Variants in SH2B2 observed in about 807,000 individuals in gnomAD.
SH2B2 encodes the protein SH2B adapter protein 2.
SH2B2 carries 37 observed loss-of-function variants against 35.7 expected under a neutral mutation model. The observed-to-expected ratio is 1.04, with a 90% CI of 0.80 to 1.36. SH2B2 has a LOEUF of 1.36. Among genes scored for constraint, SH2B2 ranks in the 40% most tolerant of loss-of-function variants. The pLI is 0.00. For synonymous variants in SH2B2, 383 were observed against 376.4 expected (o/e 1.02, Z -0.20); for missense variants, 852 against 817.7 (o/e 1.04, Z -0.51).
intron 8 of SH2B2, 43 bp from the exon 9 acceptor site, chr7:102,321,256 C>T: frequency 7.6e-7 from 1 of 1,319,850 alleles, no homozygotes; most frequent in Non-Finnish European, 9.7e-7. Context: ...AGGATGTGGC[C>T]AGCCCAGGTC....
intron 1 of SH2B2, among the ~76,000 whole-genome samples, chr7:102,299,998 A>G (rs1047524917): frequency 2.6e-5 from 4 of 152,176 alleles, no homozygotes; most frequent in African/African-American, 9.7e-5. Flanking sequence ...GCTCACTGCA[A>G]CTTCTGCCTC....
At chr7:102,308,657 G>A (rs1490709353) in intron 3 of SH2B2, among the ~76,000 whole-genome samples, 158 bp from the exon 4 acceptor site, 3 of 152,184 alleles carry the variant, frequency 2.0e-5, no homozygotes, top group Non-Finnish European at 4.4e-5. Context: ...TCCAGGTGGT[G>A]CCCGATGGTG....
chr7:102,308,012 C>A (rs1793469392), intron 3 of SH2B2, among the ~76,000 whole-genome samples: 1 of 152,216 alleles, frequency 6.6e-6, no homozygotes, highest in South Asian at 2.1e-4. Context: ...CTCAGGAGAT[C>A]TGCCCTCCTC....
intron 1 of SH2B2, among the ~76,000 whole-genome samples, chr7:102,299,022 G>GCCA (rs534835028): frequency 1.5e-3 from 211 of 139,854 alleles, no homozygotes; most frequent in African/African-American, 4.7e-3. Context: ...CGAGGTTCAC[G>GCCA]CCATTCTCCT....
rs1428470613 is a variant in SH2B2, at chr7:102,297,050, G to A, written c.-29-3472G>A. 3.3e-5 allele frequency among the ~76,000 whole-genome samples: 5 copies of A among 152,090 alleles called. No individual in the cohort carries two copies. Among genetic ancestry groups the A allele is most frequent in the Admixed American group, 2.0e-4 (3 of 15,260 alleles). The stretch of plus-strand genomic sequence containing the variant: ...TTGCTTTCCAAGGCTTCAGATACCC[G>A]TGGTCAACAGAGGTCTGAAAATATT... On this transcript the variant is annotated intron_variant, in intron 1 of 8. Coordinates refer to ENST00000444095, the MANE Select transcript of SH2B2 (RefSeq NM_001359228.2). This position sits in a 1 kb window ranked among gnomAD's most constrained non-coding sequence, Gnocchi z 4.3.
chr7:102,321,063 T>C (rs942357470), intron 8 of SH2B2, among the ~76,000 whole-genome samples: 13 of 152,194 alleles, frequency 8.5e-5, no homozygotes, highest in African/African-American at 3.1e-4. Flanking sequence ...TGTATGCGTG[T>C]GTGTGCACTC....
rs562235238 is a variant in SH2B2 at position 102,307,792 on chromosome 7, G to A, written c.831+970G>A. 2.0e-5 allele frequency among the ~76,000 whole-genome samples: 3 copies of A among 150,912 alleles called. No individual in the cohort carries two copies. The East Asian group carries it at 5.9e-4, about 29-fold the overall frequency. On this transcript the variant is annotated intron_variant, in intron 3 of 8. Transcript: ENST00000444095. ...TGTTTTTTTTTTTTCTTTGTTTGGA[G>A]ATGGGTCCCACTCTGTCACCCAGGT...
At position 102,300,780 on chromosome 7, in the gene SH2B2, T is replaced by A. The variant is rs868921326; in HGVS notation, c.230T>A (p.Val77Glu). 3 of 1,518,724 alleles carry A rather than the reference T, an allele frequency of 2.0e-6. No homozygotes were observed. Among genetic ancestry groups the A allele is most frequent in the Non-Finnish European group, 8.9e-7 (1 of 1,128,126 alleles). The allele number at this position is 1,518,724 out of a possible 1,614,324, so 94.1% of individuals were successfully genotyped here. Residue 77 changes from valine (V) to glutamate (E), a missense_variant, in exon 2 of 9, where the codon GTG (valine) becomes GAG (glutamate). By Grantham distance (121) the Val-to-Glu change is moderately radical. Coordinates refer to ENST00000444095, the MANE Select transcript of SH2B2 (RefSeq NM_001359228.2). ...ANFLDVFGEE[V>E]RRVLVAGPTT... The stretch of plus-strand genomic sequence containing the variant: ...TTCCTGGACGTCTTCGGCGAGGAGG[T>A]GCGCCGCGTGCTGGTGGCTGGGCCG...
chr7:102,321,618 C>T lies in SH2B2; in HGVS notation c.1887C>T (p.Tyr629=). The change falls in exon 9 of 9, where the codon TAC becomes TAT. Residue 629 remains tyrosine, a synonymous_variant. Transcript: ENST00000444095. ...GCGCGCGCGCCGTGGAGAACCAGTA[C>T]TCCTTCTACTAGCCCGCGGCGCCGC... is the stretch of plus-strand genomic sequence containing the variant. ...PGRARAVENQ[Y]SFY The T allele has an allele frequency of 2.6e-6, 3 of 1,153,074 alleles. No individual in the cohort carries two copies. Among genetic ancestry groups the T allele is most frequent in the Non-Finnish European group, 3.2e-6 (3 of 936,682 alleles). The allele number at this position is 1,153,074 out of a possible 1,614,324, so 71.4% of individuals were successfully genotyped here. A position where few individuals can be genotyped will look rare whatever the true frequency, so the allele number is the denominator to read the frequency against.
Position 102,321,603 on chromosome 7 carries a change from C to T in SH2B2, c.1872C>T (p.Ala624=), listed in dbSNP as rs1272502769. The T allele has an allele frequency of 3.4e-6, 4 of 1,159,854 alleles. No individual in the cohort carries two copies. Among genetic ancestry groups the T allele is most frequent in the Middle Eastern group, 3.3e-4 (1 of 3,048 alleles). The allele number at this position is 1,159,854 out of a possible 1,614,324, so 71.8% of individuals were successfully genotyped here. A position where few individuals can be genotyped will look rare whatever the true frequency, so the allele number is the denominator to read the frequency against. ...AGGCCGCGCCCGGCCGCGCGCGCGC[C>T]GTGGAGAACCAGTACTCCTTCTACT... ...PPEAAPGRAR[A]VENQYSFY The change falls in exon 9 of 9, where the codon GCC becomes GCT. Residue 624 remains alanine (A), a synonymous_variant. Transcript: ENST00000444095.
At chr7:102,292,163 G>A (rs1792697005) in intron 1 of SH2B2, among the ~76,000 whole-genome samples, 2 of 152,076 alleles carry the variant, frequency 1.3e-5, no homozygotes, top group South Asian at 4.1e-4. Context: ...CAGGCAAGGA[G>A]GTACCCCAAG....
chr7:102,304,479 GC>G (rs1554554504), intron 2 of SH2B2, among the ~76,000 whole-genome samples: 1 of 152,226 alleles, frequency 6.6e-6, no homozygotes, highest in East Asian at 1.9e-4. Flanking sequence ...ACTGGGGTGA[GC>G]CCCGGAGGAA....
intron 2 of SH2B2, among the ~76,000 whole-genome samples, chr7:102,302,146 C>A (rs1793219048): frequency 6.6e-6 from 1 of 152,250 alleles, no homozygotes; most frequent in Admixed American, 6.5e-5. Flanking sequence ...CAAGCATGAG[C>A]CACTGTGCCC....
chr7:102,320,538 A>G (rs1018049775), intron 8 of SH2B2, 36 bp downstream of exon 8: 2 of 1,599,916 alleles, frequency 1.3e-6, no homozygotes, highest in African/African-American at 1.3e-5. Context: ...TGATTACTCA[A>G]GAAGACTTCC....
At chr7:102,293,415 C>T (rs1284589208) in intron 1 of SH2B2, among the ~76,000 whole-genome samples, 1 of 151,482 alleles carries the variant, frequency 6.6e-6, no homozygotes, top group African/African-American at 2.4e-5. Flanking sequence ...GCCCTCCTCG[C>T]TCCATCCCCC....
chr7:102,302,047 A>C (rs1793215908), intron 2 of SH2B2, among the ~76,000 whole-genome samples: 1 of 152,200 alleles, frequency 6.6e-6, no homozygotes, highest in Non-Finnish European at 1.5e-5. Context: ...TTTCGTAAAG[A>C]CGGGATCTGA....
chr7:102,305,875 AG>A (rs1793372243), intron 2 of SH2B2, among the ~76,000 whole-genome samples: 1 of 127,390 alleles, frequency 7.8e-6, no homozygotes, highest in Non-Finnish European at 1.6e-5. Flanking sequence ...CTATAGGAGG[AG>A]GTCCTTTTTT....
intron 6 of SH2B2, among the ~76,000 whole-genome samples, chr7:102,315,351 A>G (rs1793782738): frequency 6.6e-6 from 1 of 151,956 alleles, no homozygotes; most frequent in Non-Finnish European, 1.5e-5. Flanking sequence ...AATTTTTGAG[A>G]CAAGAGTCTC....
At chr7:102,314,946 T>C (rs1586600213) in intron 6 of SH2B2, among the ~76,000 whole-genome samples, 1 of 150,358 alleles carries the variant, frequency 6.7e-6, no homozygotes, top group Non-Finnish European at 1.5e-5. Context: ...CCCAACACTT[T>C]GGGAAGCCAA....
Sources: allele counts gnomAD v4.1 joint callset (sites outside exome capture counted in the v4.1 genomes callset), GRCh38; gene constraint gnomAD v4.1.1; non-coding constraint Gnocchi (gnomAD v3.1); transcripts MANE v1.5; gene names NCBI Gene and HGNC (gene_info 2026-07-23, HGNC 2026-07-21).